Variants in SYT7 observed in about 807,000 individuals in gnomAD.
SYT7 encodes the protein synaptotagmin 7.
In SYT7, 29 loss-of-function variants were observed where a neutral mutation model predicts 75.1. That is an observed-to-expected ratio of 0.39 (90% CI 0.29 to 0.53). SYT7 has a LOEUF of 0.53. SYT7 is among the 20% of genes least tolerant of loss of function. The pLI is 0.77. For missense variants in SYT7, 693 were observed against 953.2 expected, an observed-to-expected ratio of 0.73 and a Z score of 3.59; for synonymous variants, 376 against 401.7, an observed-to-expected ratio of 0.94 and a Z score of 0.76.
At chr11:61,526,584 A>G (rs1205999178) in intron 9 of SYT7, 1 of 152,222 alleles carries the variant, frequency 6.6e-6, no homozygotes, top group African/African-American at 2.4e-5. Flanking sequence ...ATGGTGCCTC[A>G]TTCTTTTCTA....
chr11:61,549,940 T>A (rs1355896057), intron 3 of SYT7, among the ~76,000 whole-genome samples: 1 of 151,942 alleles, frequency 6.6e-6, no homozygotes, highest in Non-Finnish European at 1.5e-5. Flanking sequence ...AAGGTTATGA[T>A]CACCTGGCAG....
chr11:61,531,022 C>T, intron 8 of SYT7: 1 of 985,458 alleles, frequency 1.0e-6, no homozygotes, highest in Non-Finnish European at 1.2e-6. Context: ...ACCTCTGCCC[C>T]TCAGCTCCTT....
At chr11:61,570,432 T>C (rs1408902949) in intron 1 of SYT7, among the ~76,000 whole-genome samples, 1 of 152,200 alleles carries the variant, frequency 6.6e-6, no homozygotes, top group Non-Finnish European at 1.5e-5. Context: ...ACTTACTAGA[T>C]ACAGTGTGCC....
In SYT7 at chr11:61,580,609, G is replaced by A. The variant is rs1164886407; in HGVS notation, c.31+181C>T. ...GCCTGGCAGTGTCCAGACTGCGGGG[G>A]ACCGGGGTCCGAGCCGCTGCCGCTC... On this transcript the variant is annotated intron_variant, in intron 1 of 12. Transcript: ENST00000539008. The surrounding 1 kb of genome is among the most constrained non-coding windows in gnomAD (Gnocchi z 6.1). Among the ~76,000 whole-genome samples the A allele has an allele frequency of 1.3e-5, 2 of 152,052 alleles. No individual in the cohort carries two copies.
rs2062578344 is a variant in SYT7 at position 61,528,023 on chromosome 11, C to T, written c.1363G>A (p.Asp455Asn). The change falls in exon 9 of 13, where the codon GAC becomes AAC. Residue 455 changes from aspartate to asparagine, a missense_variant. Asp to Asn is a conservative substitution (Grantham distance 23). Coordinates refer to ENST00000539008, the MANE Select transcript of SYT7 (RefSeq NM_001365809.2). Reference protein sequence around the residue: ...LPAKDFSGTSDPFVKIYLLPD... With the variant: ...LPAKDFSGTSNPFVKIYLLPD... ...AGCAGGTAGATCTTGACGAAGGGGT[C>T]GCTGGTGCCGCTGAAGTCCTTGGCC... The T allele has an allele frequency of 3.7e-6, 6 of 1,613,982 alleles. No individual in the cohort carries two copies. Among genetic ancestry groups the T allele is most frequent in the Non-Finnish European group, 5.1e-6 (6 of 1,180,034 alleles).
rs1273570237 is a variant in SYT7, at chr11:61,524,659, C to G, written c.1472-127G>C. The G allele has an allele frequency of 2.3e-6, 2 of 865,920 alleles. No homozygotes were observed. The highest frequency in any genetic ancestry group is 3.5e-6 in the Non-Finnish European group (2 of 572,274). The allele number at this position is 865,920 out of a possible 1,614,324, so 53.6% of individuals were successfully genotyped here. On this transcript the variant is annotated intron_variant, in intron 9 of 12. Transcript: ENST00000539008. This position sits in a 1 kb window ranked among gnomAD's most constrained non-coding sequence, Gnocchi z 4.1. ...TCCCGCTGCCACCCCACCGGGCCAG[C>G]AGGCACACCGGATTGCAATTAGACC...
intron 6 of SYT7, chr11:61,540,506 C>T (rs2063009614): frequency 1.5e-5 from 15 of 985,302 alleles, no homozygotes; most frequent in Non-Finnish European, 1.8e-5. Context: ...AAAAGTTGGC[C>T]GACCCTTGAG....
intron 1 of SYT7, among the ~76,000 whole-genome samples, chr11:61,559,771 G>C (rs764896195): frequency 6.6e-6 from 1 of 152,174 alleles, no homozygotes; most frequent in Non-Finnish European, 1.5e-5. Context: ...AGAGTCCCTA[G>C]GGACAGAAGC....
intron 1 of SYT7, among the ~76,000 whole-genome samples, chr11:61,575,066 C>T (rs551040169): frequency 2.8e-4 from 43 of 152,056 alleles, no homozygotes; most frequent in African/African-American, 1.0e-3. Flanking sequence ...TCTCTCATTC[C>T]TGGGGCTCCT....
At chr11:61,532,846 C>T in intron 8 of SYT7, 143 bp downstream of exon 8, 2 of 1,266,656 alleles carry the variant, frequency 1.6e-6, no homozygotes, top group South Asian at 1.6e-5. Context: ...CCATGCTGGG[C>T]CTGGCTCTCC....
rs2063342567 is a variant in SYT7, at chr11:61,551,306, G to A, written c.215+78C>T. On this transcript the variant is annotated intron_variant, in intron 3 of 12. Transcript: ENST00000539008. This position sits in a 1 kb window ranked among gnomAD's most constrained non-coding sequence, Gnocchi z 5.3. Reference sequence around the variant, plus strand: ...GTGAAAGTGTGTGGTCAGGTCTGTGGGGCTGGGGGAGAGAAGGGGCTCCTC... The same window carrying A: ...GTGAAAGTGTGTGGTCAGGTCTGTGAGGCTGGGGGAGAGAAGGGGCTCCTC... 5 of 1,356,942 alleles carry A rather than the reference G, an allele frequency of 3.7e-6. No homozygotes were observed. The East Asian group carries it at 6.9e-5, about 19-fold the overall frequency. The allele number at this position is 1,356,942 out of a possible 1,614,324, so 84.1% of individuals were successfully genotyped here. A position where few individuals can be genotyped will look rare whatever the true frequency, so the allele number is the denominator to read the frequency against.
the SYT7 span, among the ~76,000 whole-genome samples, chr11:61,587,887 C>G: frequency 1.1e-4 from 17 of 151,596 alleles, no homozygotes; most frequent in East Asian, 3.3e-3. Context: ...GACCCGTCCA[C>G]GCCGGCCCAG....
At chr11:61,522,045 T>C (rs1457018447) in intron 12 of SYT7, among the ~76,000 whole-genome samples, 1 of 152,196 alleles carries the variant, frequency 6.6e-6, no homozygotes, top group African/African-American at 2.4e-5. Flanking sequence ...CCCGAGCCCA[T>C]GCTCTCAACA....
intron 2 of SYT7, among the ~76,000 whole-genome samples, chr11:61,552,671 C>T (rs542219344): frequency 4.8e-4 from 73 of 152,294 alleles, no homozygotes; most frequent in African/African-American, 1.3e-3. Context: ...TTCCCAGGCA[C>T]GGGAGCCACC....
intron 5 of SYT7, among the ~76,000 whole-genome samples, 186 bp downstream of exon 5, chr11:61,545,845 T>A (rs1247879749): frequency 1.3e-5 from 2 of 152,160 alleles, no homozygotes; most frequent in African/African-American, 4.8e-5. Context: ...TGCATCACTG[T>A]ATGGCTGAGT....
chr11:61,527,071 C>T (rs1453428423), intron 9 of SYT7, among the ~76,000 whole-genome samples: 1 of 152,170 alleles, frequency 6.6e-6, no homozygotes, highest in African/African-American at 2.4e-5. Flanking sequence ...CTTAATCACA[C>T]GCCCAGCTTC....
intron 1 of SYT7, among the ~76,000 whole-genome samples, chr11:61,577,521 C>A (rs1437062405): frequency 6.6e-6 from 1 of 152,228 alleles, no homozygotes; most frequent in African/African-American, 2.4e-5. Flanking sequence ...CAGCCACACC[C>A]CTAACTTCTG....
intron 3 of SYT7, among the ~76,000 whole-genome samples, chr11:61,549,568 T>C (rs1311420827): frequency 6.6e-6 from 1 of 152,220 alleles, no homozygotes; most frequent in Non-Finnish European, 1.5e-5. Context: ...CATGAAGGGC[T>C]GTGCAGGAAG....
chr11:61,555,844 A>T (rs2063488058), intron 2 of SYT7, among the ~76,000 whole-genome samples: 1 of 152,056 alleles, frequency 6.6e-6, no homozygotes, highest in Non-Finnish European at 1.5e-5. Flanking sequence ...CTGTCCCCGA[A>T]TGTGTCCCTA....
Sources: gnomAD v4.1 joint callset for allele counts (sites outside exome capture counted in the v4.1 genomes callset) on GRCh38, gnomAD v4.1.1 for gene constraint, Gnocchi (gnomAD v3.1) non-coding constraint, MANE v1.5 for transcripts, NCBI Gene and HGNC (gene_info 2026-07-23, HGNC 2026-07-21) for gene names.